The following TBCD variants were observed in gnomAD, a reference collection of about 807,000 sequenced individuals.
TBCD encodes tubulin folding cofactor D.
Under a neutral mutation model 169.3 loss-of-function variants are expected in TBCD, and 105 were observed. The ratio of observed to expected loss-of-function variants is 0.62; its 90% CI spans 0.53 to 0.73. The LOEUF (loss-of-function observed/expected upper bound fraction) is 0.73, where lower values mean the gene tolerates loss of function less well. TBCD is among the 30% of genes least tolerant of loss of function. TBCD has a pLI of 0.00. For synonymous variants in TBCD, 700 were observed against 643.9 expected, an observed-to-expected ratio of 1.09 and a Z score of -1.32; for missense variants, 1,444 against 1,600.1, an observed-to-expected ratio of 0.90 and a Z score of 1.66.
intron 13 of TBCD, among the ~76,000 whole-genome samples, chr17:82,822,430 C>T (rs981246873): frequency 6.6e-6 from 1 of 152,186 alleles, no homozygotes; most frequent in African/African-American, 2.4e-5. Flanking sequence ...GAGCTTCTAC[C>T]GTGAAGGAGC....
At chr17:82,804,654 T>G (rs1332219534) in intron 9 of TBCD, among the ~76,000 whole-genome samples, 1 of 152,186 alleles carries the variant, frequency 6.6e-6, no homozygotes, top group Non-Finnish European at 1.5e-5. Context: ...CGCAGGGCAG[T>G]GCACAGCATG....
In TBCD at chr17:82,927,225, C is replaced by T. The variant is rs371243313; in HGVS notation, c.2511C>T (p.Asp837=). The T allele has an allele frequency of 1.5e-5, 25 of 1,613,894 alleles. No individual in the cohort carries two copies. Among genetic ancestry groups the T allele is most frequent in the African/African-American group, 1.2e-4 (9 of 74,918 alleles). ...QTVGVKAGAP[D]EAVCGENVSQ... ...TTGGTGTGAAAGCAGGAGCCCCAGACGAAGCTGTGTGCGGAGAGAATGTTT... is the reference window on the plus strand; with the variant it reads ...TTGGTGTGAAAGCAGGAGCCCCAGATGAAGCTGTGTGCGGAGAGAATGTTT... Residue 837 remains aspartate, a synonymous_variant, in exon 29 of 39, where the codon GAC becomes GAT. Transcript: ENST00000355528.
chr17:82,799,576 T>C (rs1305624499), intron 8 of TBCD, among the ~76,000 whole-genome samples: 1 of 152,172 alleles, frequency 6.6e-6, no homozygotes, highest in Non-Finnish European at 1.5e-5. Flanking sequence ...CCCGTGTCTC[T>C]CTCAGGAGTG....
chr17:82,897,016 C>T (rs2059536117), intron 17 of TBCD, among the ~76,000 whole-genome samples: 1 of 152,096 alleles, frequency 6.6e-6, no homozygotes, highest in Admixed American at 6.5e-5. Flanking sequence ...CAGTTTCAGT[C>T]ATCATCCATT....
At chr17:82,918,738 C>T (rs922715840) in intron 23 of TBCD, 4 of 152,214 alleles carry the variant, frequency 2.6e-5, no homozygotes, top group African/African-American at 9.6e-5. Context: ...CTGAGCCGCG[C>T]GTGCCGTTTT....
chr17:82,878,337 G>A (rs1567942368), intron 14 of TBCD, among the ~76,000 whole-genome samples: 2 of 152,326 alleles, frequency 1.3e-5, no homozygotes, highest in East Asian at 3.9e-4. Flanking sequence ...GGTTTTTAGT[G>A]TATTCTCAGA....
intron 13 of TBCD, among the ~76,000 whole-genome samples, chr17:82,855,420 C>G (rs1303628750): frequency 6.6e-6 from 1 of 151,658 alleles, no homozygotes; most frequent in Admixed American, 6.6e-5. Flanking sequence ...GTGCATGCTA[C>G]CGTGCCCGGC....
At chr17:82,768,386 C>T (rs751138778) in intron 4 of TBCD, 34 bp from the exon 5 acceptor site, 25 of 1,612,148 alleles carry the variant, frequency 1.6e-5, no homozygotes, top group Non-Finnish European at 2.0e-5. Flanking sequence ...GATTTTCAAG[C>T]AAGACTCATT....
rs892892388 is a variant in TBCD, at chr17:82,782,858, C to T, written c.771+1137C>T. 1.3e-5 allele frequency among the ~76,000 whole-genome samples: 2 copies of T among 151,272 alleles called. No individual in the cohort carries two copies. The highest frequency in any genetic ancestry group is 4.9e-5 in the African/African-American group (2 of 41,156). On this transcript the variant is annotated intron_variant, in intron 7 of 38. Transcript: ENST00000355528. The surrounding 1 kb of genome is among the most constrained non-coding windows in gnomAD (Gnocchi z 5.1). ...GGCGTCCTCCTGTCCGCAGAGGCGTCCTCATGTCCTCAGTGTTGTCTTCCT... is the reference window on the plus strand; with the variant it reads ...GGCGTCCTCCTGTCCGCAGAGGCGTTCTCATGTCCTCAGTGTTGTCTTCCT...
chr17:82,792,350 C>G (rs2049797783), intron 7 of TBCD, among the ~76,000 whole-genome samples: 3 of 135,340 alleles, frequency 2.2e-5, no homozygotes, highest in African/African-American at 8.4e-5. Flanking sequence ...CACGTGTATA[C>G]ATGTGTGCAC....
chr17:82,919,877 AC>A (rs2061310524), intron 23 of TBCD, among the ~76,000 whole-genome samples: 1 of 152,210 alleles, frequency 6.6e-6, no homozygotes, highest in Non-Finnish European at 1.5e-5. Flanking sequence ...CTCCTTGTTC[AC>A]GGTGACAAAA....
rs778338967 is a variant in TBCD, at chr17:82,939,397, G to A, written c.3400G>A (p.Glu1134Lys). 1 of 1,613,276 alleles carries A rather than the reference G, an allele frequency of 6.2e-7. No homozygotes were observed. The highest frequency in any genetic ancestry group is 8.5e-7 in the Non-Finnish European group (1 of 1,179,814). ...IRKTTASQVY[E>K]TLLTYSDVVG... ...GAAGACCACGGCCAGCCAGGTGTAC[G>A]AGACATTGCTCACCTACAGTGACGT... is the stretch of plus-strand genomic sequence containing the variant. Residue 1134 changes from glutamate to lysine, a missense_variant, in exon 37 of 39, where the codon GAG becomes AAG. Coordinates refer to ENST00000355528, the MANE Select transcript of TBCD (RefSeq NM_005993.5).
At chr17:82,752,633 C>T (rs935007332) in intron 1 of TBCD, among the ~76,000 whole-genome samples, 6 of 152,094 alleles carry the variant, frequency 3.9e-5, no homozygotes, top group Non-Finnish European at 5.9e-5. Flanking sequence ...TGCTCTCGCA[C>T]GGGGTGAAGC....
intron 13 of TBCD, among the ~76,000 whole-genome samples, chr17:82,842,477 T>C (rs977187788): frequency 9.2e-5 from 14 of 152,216 alleles, no homozygotes; most frequent in Non-Finnish European, 1.2e-4. Context: ...TTGCCCCTTC[T>C]GCCCCCATGT....
chr17:82,772,347 C>A, intron 5 of TBCD, 105 bp from the exon 6 acceptor site: 1 of 1,188,450 alleles, frequency 8.4e-7, no homozygotes, highest in Non-Finnish European at 1.3e-6. Context: ...GTTTGTGAAC[C>A]TGGGCCCTCG....
rs144111704 is a variant in TBCD at position 82,830,258 on chromosome 17, C to T, written c.1318+15324C>T. The T allele has an allele frequency of 2.5e-6, 4 of 1,614,216 alleles. No individual in the cohort carries two copies. The highest frequency in any genetic ancestry group is 3.4e-6 in the Non-Finnish European group (4 of 1,180,046). On this transcript the variant is annotated intron_variant, in intron 13 of 38. Coordinates refer to ENST00000355528, the MANE Select transcript of TBCD (RefSeq NM_005993.5). ...TCCCTTAGACTTGTCCTCTTTTGTC[C>T]TTTGGGTCTGAGGTCACACTGGGCC...
In TBCD at chr17:82,880,755, G is replaced by T. The variant is rs2058297998; in HGVS notation, c.1476-3390G>T. 6.6e-6 allele frequency among the ~76,000 whole-genome samples: 1 copy of T among 152,240 alleles called. No individual in the cohort carries two copies. Among genetic ancestry groups the T allele is most frequent in the Non-Finnish European group, 1.5e-5 (1 of 68,038 alleles). ...GTCCGTCTGTCCACAGGAGCAGGAGGGGCTGGGCGGGGAGGACGCAGGGTC... is the reference window on the plus strand; with the variant it reads ...GTCCGTCTGTCCACAGGAGCAGGAGTGGCTGGGCGGGGAGGACGCAGGGTC... On this transcript the variant is annotated intron_variant, in intron 14 of 38. Transcript: ENST00000355528. This position sits in a 1 kb window ranked among gnomAD's most constrained non-coding sequence, Gnocchi z 5.0.
intron 15 of TBCD, among the ~76,000 whole-genome samples, chr17:82,887,200 C>G (rs7218786): frequency 0.33 from 49,342 of 148,952 alleles, 9,140 homozygotes; most frequent in African/African-American, 0.51. Flanking sequence ...CACGCGTTTA[C>G]TTCTGTGTGA....
intron 33 of TBCD, among the ~76,000 whole-genome samples, chr17:82,931,578 T>G (rs2062217294): frequency 6.6e-6 from 1 of 152,226 alleles, no homozygotes; most frequent in African/African-American, 2.4e-5. Flanking sequence ...GGCACCACAG[T>G]GCATCTGTCT....
Sources: gnomAD v4.1 joint callset for allele counts (sites outside exome capture counted in the v4.1 genomes callset) on GRCh38, gnomAD v4.1.1 for gene constraint, Gnocchi (gnomAD v3.1) non-coding constraint, MANE v1.5 for transcripts, NCBI Gene and HGNC (gene_info 2026-07-23, HGNC 2026-07-21) for gene names.